RNF19A: variants seen among roughly 807,000 people sequenced by gnomAD.
The protein encoded by RNF19A is E3 ubiquitin-protein ligase RNF19A.
In RNF19A, 32 loss-of-function variants were observed where a neutral mutation model predicts 75.7. That is an observed-to-expected ratio of 0.42 (90% CI 0.32 to 0.57). The LOEUF (loss-of-function observed/expected upper bound fraction) is 0.57, where lower values mean the gene tolerates loss of function less well. RNF19A is among the 20% of genes least tolerant of loss of function. The pLI is 0.10. For synonymous variants in RNF19A, 335 were observed against 345.2 expected (o/e 0.97, Z 0.33); for missense variants, 782 against 1,036.3 (o/e 0.75, Z 3.37).
At chr8:100,298,952 G>A (rs1281537831) in intron 1 of RNF19A, among the ~76,000 whole-genome samples, 3 of 152,218 alleles carry the variant, frequency 2.0e-5, no homozygotes, top group Non-Finnish European at 4.4e-5. Flanking sequence ...CCAGAGACAT[G>A]TAAGTTTTTA....
In RNF19A at chr8:100,332,300, T is replaced by C. The variant is rs1426858854; in HGVS notation, c.-243+3808A>G. On this transcript the variant is annotated intron_variant, in intron 1 of 3. Transcript: ENST00000519527. The surrounding 1 kb of genome is among the most constrained non-coding windows in gnomAD (Gnocchi z 4.8). Reference sequence around the variant, plus strand: ...GGTCATGGTGGTAATTTCCCCCATGTTGTTCTCATGATAGTGAGTGAGTTC... The same window carrying C: ...GGTCATGGTGGTAATTTCCCCCATGCTGTTCTCATGATAGTGAGTGAGTTC... 6.6e-6 allele frequency among the ~76,000 whole-genome samples: 1 copy of C among 151,458 alleles called. No individual in the cohort carries two copies. Among genetic ancestry groups the C allele is most frequent in the Admixed American group, 6.6e-5 (1 of 15,174 alleles).
rs543351210 is a variant in RNF19A at position 100,259,114 on chromosome 8, C to T, written c.1959G>A (p.Leu653=). 27 of 1,614,176 alleles carry T rather than the reference C, an allele frequency of 1.7e-5. No individual in the cohort carries two copies. The South Asian group carries it at 2.6e-4, about 16-fold the overall frequency. The change falls in exon 10 of 10, where the codon TTG becomes TTA. Residue 653 remains leucine (L), a synonymous_variant. Transcript: ENST00000341084. This position sits in a 1 kb window ranked among gnomAD's most constrained non-coding sequence, Gnocchi z 4.5. ...RSHAGGSSSG[L]PEGKSSATKW... The stretch of plus-strand genomic sequence containing the variant: ...TGGTGGCACTAGATTTACCTTCAGG[C>T]AAGCCACTGGATGAACCGCCAGCAT...
intron 2 of RNF19A, among the ~76,000 whole-genome samples, chr8:100,282,045 T>C (rs578090548): frequency 6.6e-6 from 1 of 152,312 alleles, no homozygotes; most frequent in African/African-American, 2.4e-5. Context: ...TCAGTTGTTC[T>C]CAGGGCTACA....
In RNF19A at chr8:100,268,924, C is replaced by A; in HGVS notation, c.1052G>T (p.Gly351Val). ...YLSPSGCTFW[G>V]KKPWSRKKKI... ...CTTCTTTCGGCTCCAGGGTTTCTTCCCCCAAAAAGTACATCCTGATGGACT... is the reference window on the plus strand; with the variant it reads ...CTTCTTTCGGCTCCAGGGTTTCTTCACCCAAAAAGTACATCCTGATGGACT... Residue 351 changes from glycine to valine, a missense_variant, in exon 5 of 10, where the codon GGG becomes GTG. Physicochemically the swap from Gly to Val is moderately radical, Grantham distance 109. Transcript: ENST00000341084. The A allele has an allele frequency of 6.3e-7, 1 of 1,590,722 alleles. No homozygotes were observed.
At chr8:100,283,365 T>C (rs963324658) in intron 2 of RNF19A, among the ~76,000 whole-genome samples, 1 of 152,220 alleles carries the variant, frequency 6.6e-6, no homozygotes, top group East Asian at 1.9e-4. Context: ...CCTTGCACAC[T>C]GGGATCCCTC....
intron 1 of RNF19A, among the ~76,000 whole-genome samples, chr8:100,309,019 G>A (rs1822177554): frequency 6.6e-6 from 1 of 152,090 alleles, no homozygotes. Context: ...TACTGCCCTT[G>A]TCGCGGGGTT....
rs372161844 is a variant in RNF19A, at chr8:100,268,952, C to G, written c.1029-5G>C. The G allele has an allele frequency of 6.4e-7, 1 of 1,559,454 alleles. No individual in the cohort carries two copies. Among genetic ancestry groups the G allele is most frequent in the Non-Finnish European group, 8.7e-7 (1 of 1,150,684 alleles). ...CAAAAAGTACATCCTGATGGACTAA[C>G]GGAAAAAATTATAATGTAAATAACT... is the stretch of plus-strand genomic sequence containing the variant. On this transcript the variant is annotated splice_polypyrimidine_tract_variant and splice_region_variant and intron_variant, in intron 4 of 9. Transcript: ENST00000341084.
At chr8:100,270,417 G>A (rs940795034) in intron 3 of RNF19A, among the ~76,000 whole-genome samples, 3 of 152,006 alleles carry the variant, frequency 2.0e-5, no homozygotes, top group African/African-American at 7.2e-5. Flanking sequence ...AAATGTACAC[G>A]TTCTGTACAC....
chr8:100,319,532 T>A (rs1357537756), intron 1 of RNF19A, among the ~76,000 whole-genome samples: 2 of 148,392 alleles, frequency 1.3e-5, no homozygotes, highest in Non-Finnish European at 3.0e-5. Flanking sequence ...GGTTCACTTT[T>A]TTTTTTTTTT....
rs561281800 is a variant in RNF19A, at chr8:100,309,327, G to C, written c.-94+540C>G. 4.1e-6 allele frequency: 4 copies of C among 985,578 alleles called. No individual in the cohort carries two copies. In the African/African-American group the frequency reaches 7.0e-5, roughly 17 times the overall value. 61.1% of individuals were successfully genotyped at this position (985,578 alleles called of 1,614,324 possible). Reference sequence around the variant, plus strand: ...CTCCGAACACAGCTCCCCTCCCTAAGGCCCCAGGCAGCACGGCTTGCGGGG... The same window carrying C: ...CTCCGAACACAGCTCCCCTCCCTAACGCCCCAGGCAGCACGGCTTGCGGGG... On this transcript the variant is annotated intron_variant, in intron 1 of 9. Coordinates refer to ENST00000341084, the MANE Select transcript of RNF19A (RefSeq NM_183419.4).
intron 2 of RNF19A, among the ~76,000 whole-genome samples, chr8:100,281,643 C>A (rs949816804): frequency 6.6e-6 from 1 of 152,270 alleles, no homozygotes; most frequent in Non-Finnish European, 1.5e-5. Flanking sequence ...CAAAATGACA[C>A]TGTCTCTCAT....
intron 1 of RNF19A, among the ~76,000 whole-genome samples, chr8:100,321,215 G>A (rs951464593): frequency 6.6e-6 from 1 of 152,228 alleles, no homozygotes; most frequent in African/African-American, 2.4e-5. Flanking sequence ...CACAGTAGAA[G>A]TTCTTTCAAA....
At chr8:100,305,701 G>T (rs966545446) in intron 1 of RNF19A, among the ~76,000 whole-genome samples, 1 of 152,164 alleles carries the variant, frequency 6.6e-6, no homozygotes, top group Non-Finnish European at 1.5e-5. Context: ...TTATTGTCAG[G>T]CTTATGCTAA....
chr8:100,312,053 C>T (rs80284607), upstream of RNF19A, among the ~76,000 whole-genome samples: 75 of 152,322 alleles, frequency 4.9e-4, no homozygotes, highest in East Asian at 0.013. Context: ...AAGCATGCTT[C>T]TTTCATTCAC....
intron 1 of RNF19A, among the ~76,000 whole-genome samples, chr8:100,302,120 C>T (rs910498091): frequency 6.6e-6 from 1 of 152,140 alleles, no homozygotes; most frequent in African/African-American, 2.4e-5. Context: ...AGTACTTTGG[C>T]TTTTATTCTA....
intron 2 of RNF19A, among the ~76,000 whole-genome samples, chr8:100,277,611 T>G (rs1820588861): frequency 6.6e-6 from 1 of 152,160 alleles, no homozygotes. Context: ...AAATTCCACT[T>G]ATTTCTGATA....
intron 2 of RNF19A, among the ~76,000 whole-genome samples, chr8:100,286,368 A>T (rs1010172180): frequency 3.9e-5 from 6 of 152,228 alleles, no homozygotes; most frequent in African/African-American, 1.2e-4. Flanking sequence ...AGTATAGGAC[A>T]GCATAATTCA....
At position 100,332,072 on chromosome 8, in the gene RNF19A, T is replaced by C. The variant is rs1335881859; in HGVS notation, c.-243+4036A>G. Among the ~76,000 whole-genome samples, 1 of 152,232 alleles carries C rather than the reference T, an allele frequency of 6.6e-6. No homozygotes were observed. On this transcript the variant is annotated intron_variant, in intron 1 of 3. Coordinates refer to the RNF19A transcript ENST00000519527. The surrounding 1 kb of genome is among the most constrained non-coding windows in gnomAD (Gnocchi z 4.8). ...TACAAACATATTTGTAAGAATTATCTGGGTTATATATTATTTTACACATAT... is the reference window on the plus strand; with the variant it reads ...TACAAACATATTTGTAAGAATTATCCGGGTTATATATTATTTTACACATAT...
At chr8:100,299,830 T>A (rs1437385207) in intron 1 of RNF19A, among the ~76,000 whole-genome samples, 1 of 152,108 alleles carries the variant, frequency 6.6e-6, no homozygotes, top group Non-Finnish European at 1.5e-5. Context: ...TCTCTGGAAA[T>A]CCCTCAACTC....
Sources: gnomAD v4.1 joint callset for allele counts (sites outside exome capture counted in the v4.1 genomes callset) on GRCh38, gnomAD v4.1.1 for gene constraint, Gnocchi (gnomAD v3.1) non-coding constraint, MANE v1.5 for transcripts, NCBI Gene and HGNC (gene_info 2026-07-23, HGNC 2026-07-21) for gene names.